SNRNP40: variants seen among roughly 807,000 people sequenced by gnomAD.
The protein encoded by SNRNP40 is small nuclear ribonucleoprotein U5 subunit 40.
In SNRNP40, 21 loss-of-function variants were observed where a neutral mutation model predicts 45.8. The observed-to-expected ratio is 0.46, with a 90% CI of 0.32 to 0.66. The LOEUF is 0.66. Ranked by LOEUF, SNRNP40 falls within the 30% of genes least tolerant of loss-of-function variation. The probability of loss-of-function intolerance (pLI) is 0.03; values close to 1 mark genes in which losing one functional copy is unlikely to be tolerated. For synonymous variants in SNRNP40, 142 were observed against 163.8 expected, an observed-to-expected ratio of 0.87 and a Z score of 1.01; for missense variants, 344 against 439.1, an observed-to-expected ratio of 0.78 and a Z score of 1.94.
At chr1:31,288,106 T>G (rs750755465) in intron 4 of SNRNP40, among the ~76,000 whole-genome samples, 1 of 151,240 alleles carries the variant, frequency 6.6e-6, no homozygotes, top group African/African-American at 2.4e-5. Context: ...GAGGCTACAG[T>G]GAGCCAAGAT....
intron 5 of SNRNP40, among the ~76,000 whole-genome samples, chr1:31,279,546 G>C (rs1378799137): frequency 2.0e-5 from 3 of 152,004 alleles, no homozygotes; most frequent in Non-Finnish European, 2.9e-5. Context: ...TCAGGAGTTC[G>C]AGACCAGCCT....
chr1:31,290,826 C>T (rs1253200280), intron 3 of SNRNP40, among the ~76,000 whole-genome samples: 1 of 151,488 alleles, frequency 6.6e-6, no homozygotes, highest in Non-Finnish European at 1.5e-5. Flanking sequence ...TGCAGTGAGC[C>T]GAGATCGCAC....
chr1:31,263,690 G>C, intron 8 of SNRNP40: 1 of 408,896 alleles, frequency 2.4e-6, no homozygotes, highest in South Asian at 1.9e-5. Flanking sequence ...ATATGGCTTA[G>C]GAAGAAGAAA....
intron 9 of SNRNP40, chr1:31,261,000 T>C: frequency 7.9e-7 from 1 of 1,263,808 alleles, no homozygotes; most frequent in Non-Finnish European, 1.0e-6. Context: ...TTGCTCTTAC[T>C]CTCACCACTT....
At chr1:31,282,375 C>G (rs1646022367) in intron 4 of SNRNP40, 1 of 151,796 alleles carries the variant, frequency 6.6e-6, no homozygotes, top group African/African-American at 2.4e-5. Context: ...ACAGTTGGGG[C>G]AAAAATACAA....
At chr1:31,270,348 C>G (rs1276549407) in intron 6 of SNRNP40, among the ~76,000 whole-genome samples, 1 of 152,052 alleles carries the variant, frequency 6.6e-6, no homozygotes, top group Non-Finnish European at 1.5e-5. Context: ...CTAGAATTAG[C>G]TAGGCATGGT....
intron 9 of SNRNP40, chr1:31,261,138 C>T (rs985079990): frequency 2.3e-5 from 13 of 564,588 alleles, no homozygotes; most frequent in Middle Eastern, 5.8e-4. Context: ...GTCAGGAGTT[C>T]GTGACCACCC....
intron 3 of SNRNP40, among the ~76,000 whole-genome samples, chr1:31,291,569 T>C (rs1251915417): frequency 6.6e-6 from 1 of 152,074 alleles, no homozygotes; most frequent in African/African-American, 2.4e-5. Context: ...GCCCCAGCTA[T>C]TTGGGAGGCT....
chr1:31,288,667 C>CTTTCTT lies in SNRNP40; in HGVS notation c.531+586_531+587insAAGAAA, dbSNP rs36074142. Among the ~76,000 whole-genome samples the CTTTCTT allele has an allele frequency of 1.0e-3, 121 of 117,104 alleles. 1 individual carries two copies. The highest frequency in any genetic ancestry group is 1.3e-3 in the Non-Finnish European group (75 of 57,944). 76.8% of individuals were successfully genotyped at this position (117,104 alleles called of 152,430 possible). A position where few individuals can be genotyped will look rare whatever the true frequency, so the allele number is the denominator to read the frequency against. On this transcript the variant is annotated intron_variant, in intron 4 of 9. Transcript: ENST00000263694. ...ATATTGTCTATAATCTCAGAACAGC[C>CTTTCTT]TTTTTTTTTTTTTTGCTACCTCCCT...
chr1:31,259,755 CAA>C lies in SNRNP40; in HGVS notation c.*315_*316del, dbSNP rs59591825. 52,130 of 412,588 alleles carry C rather than the reference CAA, an allele frequency of 0.13. 47 individuals are homozygous for C. Among genetic ancestry groups the C allele is most frequent in the Middle Eastern group, 0.17 (331 of 1,964 alleles). The allele number at this position is 412,588 out of a possible 1,614,324, so 25.6% of individuals were successfully genotyped here. On this transcript the variant is annotated 3_prime_UTR_variant, in exon 10 of 10. Transcript: ENST00000263694. ...AAGAAAATATCATACAAGCCAGTTA[CAA>C]AAAAAAAAAAAAAATCCCAACCAAC...
At chr1:31,269,527 T>G (rs1282807916) in intron 6 of SNRNP40, 1 of 567,480 alleles carries the variant, frequency 1.8e-6, no homozygotes, top group East Asian at 3.4e-5. Flanking sequence ...GATACTAATT[T>G]CAAAAAGATA....
chr1:31,292,472 G>A (rs1247908758), intron 2 of SNRNP40, among the ~76,000 whole-genome samples: 1 of 152,174 alleles, frequency 6.6e-6, no homozygotes, highest in South Asian at 2.1e-4. Context: ...CAATCCAGAC[G>A]TTTGGCCACT....
intron 1 of SNRNP40, among the ~76,000 whole-genome samples, chr1:31,295,887 G>T (rs947110201): frequency 5.3e-5 from 8 of 152,252 alleles, no homozygotes; most frequent in Admixed American, 5.2e-4. Context: ...GACGGTGCCA[G>T]CAGGATTTAT....
chr1:31,272,273 G>T (rs1173644399), intron 5 of SNRNP40, among the ~76,000 whole-genome samples: 1 of 152,056 alleles, frequency 6.6e-6, no homozygotes, highest in Non-Finnish European at 1.5e-5. Flanking sequence ...ATATGTACAT[G>T]TATGGATATG....
At chr1:31,286,361 C>T (rs1443360788) in intron 4 of SNRNP40, among the ~76,000 whole-genome samples, 1 of 152,166 alleles carries the variant, frequency 6.6e-6, no homozygotes, top group Non-Finnish European at 1.5e-5. Context: ...ATGCTTCCTG[C>T]ATGCAACCAG....
chr1:31,293,748 A>AT (rs1264603307), intron 1 of SNRNP40, among the ~76,000 whole-genome samples: 1 of 151,972 alleles, frequency 6.6e-6, no homozygotes, highest in African/African-American at 2.4e-5. Flanking sequence ...TGCCATGCTA[A>AT]TTTTTTTAGT....
intron 5 of SNRNP40, among the ~76,000 whole-genome samples, chr1:31,280,303 C>T (rs371035775): frequency 2.8e-4 from 43 of 151,544 alleles, no homozygotes; most frequent in African/African-American, 1.0e-3. Flanking sequence ...GCTGGGATTA[C>T]AGGCACACCA....
At chr1:31,296,013 G>A (rs954032406) in intron 1 of SNRNP40, among the ~76,000 whole-genome samples, 4 of 152,196 alleles carry the variant, frequency 2.6e-5, no homozygotes, top group African/African-American at 7.2e-5. Context: ...TTCTCAGTTC[G>A]AAATCTGCTT....
chr1:31,286,930 T>C (rs1035239360), intron 4 of SNRNP40, among the ~76,000 whole-genome samples: 23 of 152,194 alleles, frequency 1.5e-4, no homozygotes, highest in African/African-American at 5.5e-4. Flanking sequence ...GGGAAATTTA[T>C]ATATATATGA....
Sources: allele counts gnomAD v4.1 joint callset (sites outside exome capture counted in the v4.1 genomes callset), GRCh38; gene constraint gnomAD v4.1.1; transcripts MANE v1.5; gene names NCBI Gene and HGNC (gene_info 2026-07-23, HGNC 2026-07-21).